The following ZBTB40 variants were observed in gnomAD, a reference collection of about 807,000 sequenced individuals.
ZBTB40 encodes zinc finger and BTB domain-containing protein 40.
In ZBTB40, 60 loss-of-function variants were observed where a neutral mutation model predicts 117.5. That is an observed-to-expected ratio of 0.51 (90% CI 0.41 to 0.63). ZBTB40 has a LOEUF of 0.63. Ranked by LOEUF, ZBTB40 falls within the 30% of genes least tolerant of loss-of-function variation. ZBTB40 has a pLI of 0.00. For synonymous variants in ZBTB40, 525 were observed against 577.1 expected, an observed-to-expected ratio of 0.91 and a Z score of 1.29; for missense variants, 1,287 against 1,498.5, an observed-to-expected ratio of 0.86 and a Z score of 2.33.
Position 22,431,364 on chromosome 1 carries a change from G to T in ZBTB40, c.-70+2350G>T, listed in dbSNP as rs1406310354. On this transcript the variant is annotated intron_variant, in intron 1 of 8. Coordinates refer to the ZBTB40 transcript ENST00000650433. ...TATAGTGTATATACATATATATTTT[G>T]TGTGTGTGTGTGTGTGTGTGTATAT... Among the ~76,000 whole-genome samples the T allele has an allele frequency of 1.7e-3, 24 of 14,228 alleles. No individual in the cohort carries two copies. In the Admixed American group the frequency reaches 0.017, roughly 10 times the overall value. 9.3% of individuals were successfully genotyped at this position (14,228 alleles called of 152,430 possible).
At chr1:22,457,875 C>T (rs1323808324) in intron 1 of ZBTB40, among the ~76,000 whole-genome samples, 1 of 152,158 alleles carries the variant, frequency 6.6e-6, no homozygotes, top group Non-Finnish European at 1.5e-5. Flanking sequence ...CCTGAGTTTT[C>T]CTTCTTGACT....
chr1:22,496,674 A>C (rs1201251936), intron 3 of ZBTB40, among the ~76,000 whole-genome samples: 4 of 152,168 alleles, frequency 2.6e-5, no homozygotes, highest in African/African-American at 9.7e-5. Context: ...CAGGTATGGC[A>C]ACACCATCAT....
chr1:22,456,415 G>C (rs979600072), intron 1 of ZBTB40, among the ~76,000 whole-genome samples: 1 of 152,206 alleles, frequency 6.6e-6, no homozygotes, highest in African/African-American at 2.4e-5. Flanking sequence ...ATGTAAGTCA[G>C]AGATTGTTAA....
chr1:22,489,781 G>T (rs1422665029), intron 1 of ZBTB40, 99 bp from the exon 2 acceptor site: 9 of 692,326 alleles, frequency 1.3e-5, no homozygotes, highest in Non-Finnish European at 2.1e-5. Context: ...TTTGTTGGAT[G>T]AATGAGTGAA....
intron 1 of ZBTB40, among the ~76,000 whole-genome samples, chr1:22,459,590 C>T (rs1641085283): frequency 6.6e-6 from 1 of 152,170 alleles, no homozygotes; most frequent in African/African-American, 2.4e-5. Context: ...GTTACAAAAT[C>T]ATCTTAATTT....
intron 3 of ZBTB40, among the ~76,000 whole-genome samples, chr1:22,495,984 C>T (rs1017871288): frequency 3.3e-5 from 5 of 152,116 alleles, no homozygotes; most frequent in African/African-American, 4.8e-5. Flanking sequence ...TTGGACAGGA[C>T]GCTGGCACTG....
chr1:22,521,931 T>C (rs1483261968), intron 15 of ZBTB40, among the ~76,000 whole-genome samples: 2 of 152,138 alleles, frequency 1.3e-5, no homozygotes, highest in African/African-American at 2.4e-5. Context: ...TCAGCCTCAG[T>C]GGTAGGCAGG....
Position 22,528,693 on chromosome 1 carries a change from G to A in ZBTB40, c.*2297G>A, listed in dbSNP as rs972458504. 2.5e-5 allele frequency: 3 copies of A among 119,238 alleles called. No individual in the cohort carries two copies. Among genetic ancestry groups the A allele is most frequent in the African/African-American group, 6.5e-5 (2 of 30,760 alleles). 7.4% of individuals were successfully genotyped at this position (119,238 alleles called of 1,614,324 possible). A position where few individuals can be genotyped will look rare whatever the true frequency, so the allele number is the denominator to read the frequency against. On this transcript the variant is annotated 3_prime_UTR_variant, in exon 18 of 18. Transcript: ENST00000375647. ...AGGCGTGAGCCACCACTGCTGGCCA[G>A]TTTTTGTATTTTTTTTTTTTTTTGT...
chr1:22,509,884 C>G (rs1639185592), intron 9 of ZBTB40, among the ~76,000 whole-genome samples: 1 of 152,198 alleles, frequency 6.6e-6, no homozygotes, highest in Admixed American at 6.5e-5. Context: ...AACCTGGTAT[C>G]CCCTGGAGCC....
intron 3 of ZBTB40, among the ~76,000 whole-genome samples, chr1:22,496,395 AC>A (rs1232439485): frequency 6.6e-6 from 1 of 152,208 alleles, no homozygotes; most frequent in Non-Finnish European, 1.5e-5. Flanking sequence ...CCTGGGAGGC[AC>A]CACATTGATA....
In ZBTB40 at chr1:22,522,595, G is replaced by T; in HGVS notation, c.3298+132G>T. ...CTCGGTTTCTTCATCTATAAAATGG[G>T]AACAGTTGTAGCACCTGCCTCATAG... is the stretch of plus-strand genomic sequence containing the variant. On this transcript the variant is annotated intron_variant, in intron 16 of 17. Transcript: ENST00000375647. 1.1e-6 allele frequency: 1 copy of T among 884,046 alleles called. No individual in the cohort carries two copies. Among genetic ancestry groups the T allele is most frequent in the East Asian group, 2.4e-5 (1 of 41,216 alleles). 54.8% of individuals were successfully genotyped at this position (884,046 alleles called of 1,614,324 possible).
intron 1 of ZBTB40, among the ~76,000 whole-genome samples, chr1:22,446,581 C>T (rs1238350405): frequency 6.6e-6 from 1 of 151,798 alleles, no homozygotes; most frequent in East Asian, 1.9e-4. Flanking sequence ...CTAACTTCTC[C>T]ATGAAAGTTC....
intron 1 of ZBTB40, among the ~76,000 whole-genome samples, chr1:22,434,686 T>A (rs1415444102): frequency 2.6e-5 from 4 of 152,240 alleles, no homozygotes; most frequent in Non-Finnish European, 5.9e-5. Flanking sequence ...TATCTTTACT[T>A]CACATCTTTA....
chr1:22,444,552 A>G (rs916144003), intron 1 of ZBTB40, among the ~76,000 whole-genome samples: 4 of 152,234 alleles, frequency 2.6e-5, no homozygotes, highest in African/African-American at 4.8e-5. Flanking sequence ...AAGCATGTGC[A>G]CTAAGAGGCA....
chr1:22,526,419 C>T lies in ZBTB40; in HGVS notation c.*23C>T, dbSNP rs778008512. 3 of 1,613,112 alleles carry T rather than the reference C, an allele frequency of 1.9e-6. No individual in the cohort carries two copies. The African/African-American group carries it at 4.0e-5, about 22-fold the overall frequency. On this transcript the variant is annotated 3_prime_UTR_variant, in exon 18 of 18. Transcript: ENST00000375647. ...TGAGCAGCCTTTCATCCGGCAGAGC[C>T]TTCCTGCGTTTGCAGCAGAGAGGAG...
At chr1:22,469,821 G>A (rs1363981918) in intron 1 of ZBTB40, among the ~76,000 whole-genome samples, 1 of 152,214 alleles carries the variant, frequency 6.6e-6, no homozygotes, top group Admixed American at 6.5e-5. Flanking sequence ...ACAGGTGTGA[G>A]CCAGTGTGCC....
At chr1:22,506,341 T>G in intron 6 of ZBTB40, 100 bp downstream of exon 6, 1 of 1,188,888 alleles carries the variant, frequency 8.4e-7, no homozygotes, top group Non-Finnish European at 1.2e-6. Context: ...TAAGATTATG[T>G]TAAGAAATGT....
In ZBTB40 at chr1:22,522,646, G is replaced by C. The variant is rs1639563415; in HGVS notation, c.3298+183G>C. Among the ~76,000 whole-genome samples, 4 of 152,096 alleles carry C rather than the reference G, an allele frequency of 2.6e-5. No individual in the cohort carries two copies. In the South Asian group the frequency reaches 8.3e-4, roughly 32 times the overall value. On this transcript the variant is annotated intron_variant, in intron 16 of 17. Transcript: ENST00000375647. ...AGTAGTGTGAAAAACTGAAGGCCTT[G>C]GCATCAATAAGCATCCCTTAAGCCG...
chr1:22,506,091 A>C lies in ZBTB40; in HGVS notation c.1210A>C (p.Ile404Leu). 6.2e-7 allele frequency: 1 copy of C among 1,614,184 alleles called. No individual in the cohort carries two copies. The highest frequency in any genetic ancestry group is 8.5e-7 in the Non-Finnish European group (1 of 1,180,012). ...CCEGRTPKET[I>L]ENLLHRMTEE... ...TGAGGGCAGAACACCCAAGGAGACA[A>C]TAGAAAATTTGTTGCACAGAATGAC... Residue 404 changes from isoleucine to leucine, a missense_variant, in exon 6 of 18, where the codon ATA (isoleucine) becomes CTA (leucine). By Grantham distance (5) the Ile-to-Leu change is conservative (BLOSUM62 2). This residue lies in a region of ZBTB40 where 870 missense variants were observed against 934.4 expected (regional missense o/e 0.93). Coordinates refer to ENST00000375647, the MANE Select transcript of ZBTB40 (RefSeq NM_014870.4).
Sources: gnomAD v4.1 joint callset for allele counts (sites outside exome capture counted in the v4.1 genomes callset) on GRCh38, gnomAD v4.1.1 for gene constraint, gnomAD v4.1.1 regional missense constraint, MANE v1.5 for transcripts, NCBI Gene and HGNC (gene_info 2026-07-23, HGNC 2026-07-21) for gene names.